MOB3B: variants seen among roughly 807,000 people sequenced by gnomAD.
MOB3B encodes MOB kinase activator 3B, also known as MOB kinase activator-like 2B.
MOB3B carries 7 observed loss-of-function variants against 18.7 expected under a neutral mutation model. The observed-to-expected ratio is 0.37, with a 90% confidence interval of 0.21 to 0.70. The LOEUF is 0.70. Ranked by LOEUF, MOB3B falls within the 30% of genes least tolerant of loss-of-function variation. The probability of loss-of-function intolerance (pLI) is 0.52; values close to 1 mark genes in which losing one functional copy is unlikely to be tolerated. For synonymous variants in MOB3B, 111 were observed against 99.9 expected (o/e 1.11, Z -0.66); for missense variants, 253 against 281.3 (o/e 0.90, Z 0.72).
intron 1 of MOB3B, among the ~76,000 whole-genome samples, chr9:27,520,145 GT>G (rs1178642671): frequency 2.0e-5 from 3 of 152,172 alleles, no homozygotes; most frequent in African/African-American, 7.2e-5. Flanking sequence ...AATCTTATCA[GT>G]AGATGCCAAA....
chr9:27,500,988 A>G (rs910338560), intron 1 of MOB3B, among the ~76,000 whole-genome samples: 5 of 152,224 alleles, frequency 3.3e-5, no homozygotes, highest in African/African-American at 1.2e-4. Context: ...ACCAACAAAC[A>G]TATGAAAAAA....
chr9:27,452,416 G>C lies in MOB3B; in HGVS notation c.418+2717C>G, dbSNP rs182866188. ...GACAGAGAAGTGAGTGATTACAGAA[G>C]GAGAGAAAAACATGAATAAAACCAG... On this transcript the variant is annotated intron_variant, in intron 2 of 3. Transcript: ENST00000262244. 3.7e-3 allele frequency among the ~76,000 whole-genome samples: 566 copies of C among 152,272 alleles called. 5 individuals are homozygous for C. The highest frequency in any genetic ancestry group is 0.013 in the African/African-American group (525 of 41,562).
In MOB3B at chr9:27,330,354, G is replaced by C; in HGVS notation, c.*233C>G. The C allele has an allele frequency of 4.0e-6, 2 of 499,378 alleles. No individual in the cohort carries two copies. Among genetic ancestry groups the C allele is most frequent in the Non-Finnish European group, 3.6e-6 (1 of 281,566 alleles). The allele number at this position is 499,378 out of a possible 1,614,324, so 30.9% of individuals were successfully genotyped here. On this transcript the variant is annotated 3_prime_UTR_variant, in exon 4 of 4. Transcript: ENST00000262244. ...CCCCAGCCAGAACGGTCAAGGGGCT[G>C]GTCCTTCTTTCACGTTGTGGTCTGC...
At chr9:27,418,477 G>C (rs1170834796) in intron 2 of MOB3B, among the ~76,000 whole-genome samples, 5 of 152,086 alleles carry the variant, frequency 3.3e-5, no homozygotes, top group Non-Finnish European at 7.4e-5. Flanking sequence ...ATATCAAGAA[G>C]ATAATCCACC....
intron 1 of MOB3B, among the ~76,000 whole-genome samples, chr9:27,480,344 G>C (rs1428609872): frequency 2.0e-5 from 3 of 148,402 alleles, no homozygotes; most frequent in Non-Finnish European, 4.4e-5. Flanking sequence ...CTGTCACCCA[G>C]GCTGGAGTGC....
intron 2 of MOB3B, chr9:27,421,573 T>G (rs1822251872): frequency 6.6e-6 from 1 of 152,398 alleles, no homozygotes; most frequent in African/African-American, 2.4e-5. Context: ...CGGGGGTTAC[T>G]TCACATTTCT....
At chr9:27,491,792 G>C (rs1186517210) in intron 1 of MOB3B, among the ~76,000 whole-genome samples, 1 of 152,132 alleles carries the variant, frequency 6.6e-6, no homozygotes, top group African/African-American at 2.4e-5. Context: ...AGAATGGCGT[G>C]AACCAGGAAG....
At chr9:27,466,242 A>G (rs150205140) in intron 1 of MOB3B, among the ~76,000 whole-genome samples, 83 of 152,256 alleles carry the variant, frequency 5.5e-4, no homozygotes, top group Non-Finnish European at 1.0e-3. Context: ...AAGTTCCACA[A>G]ATCTCTAGGG....
chr9:27,444,596 G>A (rs1199981322), intron 2 of MOB3B, among the ~76,000 whole-genome samples: 4 of 152,104 alleles, frequency 2.6e-5, no homozygotes, highest in Non-Finnish European at 5.9e-5. Context: ...CTTTCATCTT[G>A]TTTTTAAGTT....
At chr9:27,496,352 A>G (rs1255826995) in intron 1 of MOB3B, among the ~76,000 whole-genome samples, 4 of 152,230 alleles carry the variant, frequency 2.6e-5, no homozygotes. Context: ...AATAGGAAGC[A>G]CTTGCCCAAA....
intron 2 of MOB3B, among the ~76,000 whole-genome samples, chr9:27,419,464 A>C (rs1307901026): frequency 1.3e-5 from 2 of 152,190 alleles, no homozygotes; most frequent in African/African-American, 4.8e-5. Flanking sequence ...AGGCACATAC[A>C]CCAATGGAAC....
chr9:27,512,939 A>G (rs141862056), intron 1 of MOB3B, among the ~76,000 whole-genome samples: 1 of 152,320 alleles, frequency 6.6e-6, no homozygotes, highest in Non-Finnish European at 1.5e-5. Flanking sequence ...GTATACTCTA[A>G]GAAATTTAAG....
chr9:27,368,331 C>T (rs1821366635), intron 2 of MOB3B, among the ~76,000 whole-genome samples: 2 of 147,744 alleles, frequency 1.4e-5, no homozygotes, highest in Admixed American at 7.0e-5. Context: ...CATACATATA[C>T]ATATATATAC....
chr9:27,491,075 T>C (rs1819809998), intron 1 of MOB3B, among the ~76,000 whole-genome samples: 1 of 152,078 alleles, frequency 6.6e-6, no homozygotes. Context: ...TAGTGTCTCA[T>C]ACTTTAAAAA....
At chr9:27,357,538 A>T (rs1416536317) in intron 3 of MOB3B, among the ~76,000 whole-genome samples, 1 of 151,824 alleles carries the variant, frequency 6.6e-6, no homozygotes, top group Non-Finnish European at 1.5e-5. Flanking sequence ...AAATTAGCCA[A>T]CCCTAAACCT....
chr9:27,418,812 A>G (rs1360587622), intron 2 of MOB3B, among the ~76,000 whole-genome samples: 1 of 152,034 alleles, frequency 6.6e-6, no homozygotes, highest in Non-Finnish European at 1.5e-5. Flanking sequence ...CTCTTCAGAC[A>G]AGAGAAAGAA....
chr9:27,501,548 A>G (rs1266870446), intron 1 of MOB3B, among the ~76,000 whole-genome samples: 1 of 145,648 alleles, frequency 6.9e-6, no homozygotes. Context: ...GGAACTGAAC[A>G]ATGAAAACAC....
chr9:27,353,239 C>T (rs999133839), intron 3 of MOB3B, among the ~76,000 whole-genome samples: 1 of 152,226 alleles, frequency 6.6e-6, no homozygotes, highest in Non-Finnish European at 1.5e-5. Flanking sequence ...GAGTCTCCTC[C>T]TCTCAGATGT....
intron 3 of MOB3B, among the ~76,000 whole-genome samples, chr9:27,353,833 T>G (rs1821145143): frequency 6.6e-6 from 1 of 152,242 alleles, no homozygotes; most frequent in Non-Finnish European, 1.5e-5. Flanking sequence ...TAATTCTGAT[T>G]AGCTTAATTG....
Sources: gnomAD v4.1 joint callset for allele counts (sites outside exome capture counted in the v4.1 genomes callset) on GRCh38, gnomAD v4.1.1 for gene constraint, MANE v1.5 for transcripts, NCBI Gene and HGNC (gene_info 2026-07-23, HGNC 2026-07-21) for gene names.